NAV1: variants seen among roughly 807,000 people sequenced by gnomAD.
NAV1 encodes the protein neuron navigator 1, also known as pore membrane and/or filament interacting like protein 3.
In NAV1, 18 loss-of-function variants were observed where a neutral mutation model predicts 175.2. The observed-to-expected ratio is 0.10, with a 90% CI of 0.07 to 0.15. NAV1 has a LOEUF of 0.15. Among genes scored for constraint, NAV1 ranks in the 10% least tolerant of loss-of-function variants. The probability of loss-of-function intolerance (pLI) is 1.00; values close to 1 mark genes in which losing one functional copy is unlikely to be tolerated. For synonymous variants in NAV1, 897 were observed against 978.7 expected, an observed-to-expected ratio of 0.92 and a Z score of 1.56; for missense variants, 1,731 against 2,436.6, an observed-to-expected ratio of 0.71 and a Z score of 6.10.
At chr1:201,591,787 G>A (rs909507758) in intron 2 of NAV1, among the ~76,000 whole-genome samples, 2 of 152,128 alleles carry the variant, frequency 1.3e-5, no homozygotes, top group African/African-American at 4.8e-5. Context: ...AGAGGTCTGG[G>A]AAGGTGAGAA....
chr1:201,689,321 A>G (rs654631), intron 1 of NAV1, among the ~76,000 whole-genome samples: 129,712 of 152,234 alleles, frequency 0.85, 55,324 homozygotes, highest in East Asian at 0.93. Context: ...GCTACAGGAC[A>G]GTTTTATAGG....
intron 3 of NAV1, among the ~76,000 whole-genome samples, chr1:201,754,516 A>G (rs1040172796): frequency 6.6e-5 from 10 of 152,236 alleles, no homozygotes; most frequent in Non-Finnish European, 1.0e-4. Context: ...AAGAGATTTC[A>G]GTGAAGCAGT....
chr1:201,655,278 C>T (rs1669356669), intron 1 of NAV1, among the ~76,000 whole-genome samples: 1 of 152,220 alleles, frequency 6.6e-6, no homozygotes. Flanking sequence ...AGCCCAAAGC[C>T]CAAAGCCTTC....
chr1:201,648,747 C>A, exon 1 of NAV1: 1 of 1,403,784 alleles, frequency 7.1e-7, no homozygotes, highest in Non-Finnish European at 9.2e-7. Context: ...CGCGGACGAA[C>A]CGCGGGGCGC....
intron 2 of NAV1, among the ~76,000 whole-genome samples, chr1:201,640,909 C>T (rs1199858536): frequency 6.6e-6 from 1 of 152,246 alleles, no homozygotes; most frequent in African/African-American, 2.4e-5. Context: ...AGAAAAAGTT[C>T]AACTGAAGAT....
At chr1:201,610,947 G>GC (rs761273863) in intron 2 of NAV1, among the ~76,000 whole-genome samples, 5 of 152,102 alleles carry the variant, frequency 3.3e-5, no homozygotes, top group Non-Finnish European at 4.4e-5. Context: ...AGAGCCCTGG[G>GC]CCCTGGGGGT....
rs745789070 is a variant in NAV1 at position 201,782,163 on chromosome 1, C to T, written c.1664-13C>T. ...CAGTTTCAGCTCTTTTCTCATTTCC[C>T]GTCCTCTTGCAGGCAAACCTGAGGG... On this transcript the variant is annotated splice_polypyrimidine_tract_variant and intron_variant, in intron 5 of 29. Transcript: ENST00000367296. The surrounding 1 kb of genome is among the most constrained non-coding windows in gnomAD (Gnocchi z 5.4). The T allele has an allele frequency of 3.0e-5, 47 of 1,558,802 alleles. No individual in the cohort carries two copies. Among genetic ancestry groups the T allele is most frequent in the African/African-American group, 4.1e-5 (3 of 72,834 alleles).
chr1:201,637,983 T>G (rs1668655094), intron 2 of NAV1, among the ~76,000 whole-genome samples: 1 of 152,210 alleles, frequency 6.6e-6, no homozygotes, highest in Non-Finnish European at 1.5e-5. Flanking sequence ...GGCTCTTTAT[T>G]AGCCTGAGGA....
At chr1:201,673,867 G>A (rs1047692406) in intron 1 of NAV1, 1 of 152,306 alleles carries the variant, frequency 6.6e-6, no homozygotes, top group Non-Finnish European at 1.5e-5. Context: ...GCCAGGTAGA[G>A]TTAGGGAAGG....
intron 2 of NAV1, among the ~76,000 whole-genome samples, chr1:201,591,316 T>C (rs569220921): frequency 6.6e-6 from 1 of 152,252 alleles, no homozygotes; most frequent in Non-Finnish European, 1.5e-5. Flanking sequence ...GCAGTCATTG[T>C]CACCCCTTAG....
intron 15 of NAV1, 138 bp from the exon 20 acceptor site, chr1:201,803,455 A>G: frequency 2.4e-6 from 2 of 838,278 alleles, no homozygotes; most frequent in Non-Finnish European, 3.6e-6. Context: ...TGCTGAATGA[A>G]TGATCCAAAA....
chr1:201,783,869 G>T lies in NAV1; in HGVS notation c.2804+17G>T. On this transcript the variant is annotated intron_variant, in intron 7 of 29. Transcript: ENST00000367296. ...ACTGGACAGGTAGGTAGAAAAGACA[G>T]CAGAACCTCGGCCTGTCTCCGTGTC... 6.3e-7 allele frequency: 1 copy of T among 1,587,606 alleles called. No individual in the cohort carries two copies.
chr1:201,671,317 C>G (rs1670037536), intron 1 of NAV1, among the ~76,000 whole-genome samples: 1 of 152,132 alleles, frequency 6.6e-6, no homozygotes, highest in African/African-American at 2.4e-5. Context: ...ACGGGCTGAA[C>G]TGAGGAGCTC....
At chr1:201,709,161 A>ACC in intron 1 of NAV1, among the ~76,000 whole-genome samples, 1 of 151,076 alleles carries the variant, frequency 6.6e-6, no homozygotes, top group East Asian at 1.9e-4. Context: ...AAAAAAAAAA[A>ACC]CCATTGAACT....
At chr1:201,683,844 C>A (rs1480091215) in intron 1 of NAV1, among the ~76,000 whole-genome samples, 1 of 137,592 alleles carries the variant, frequency 7.3e-6, no homozygotes, top group Non-Finnish European at 1.6e-5. Context: ...TCACTGTGTG[C>A]AGCCACGTTC....
chr1:201,798,608 C>CAAAAA (rs36186980), intron 15 of NAV1: 5 of 97,106 alleles, frequency 5.1e-5, no homozygotes, highest in East Asian at 3.2e-4. Flanking sequence ...GACCTGGTTT[C>CAAAAA]AAAAAAAAAA....
chr1:201,820,244 G>A (rs1227290213), exon 30 of NAV1: 1 of 237,800 alleles, frequency 4.2e-6, no homozygotes, highest in African/African-American at 2.3e-5. Context: ...CAAACTCCTG[G>A]GCTTTCTGGG....
At chr1:201,581,702 G>A (rs1407448598) in intron 1 of NAV1, among the ~76,000 whole-genome samples, 2 of 151,920 alleles carry the variant, frequency 1.3e-5, no homozygotes, top group African/African-American at 2.4e-5. Context: ...CGTGGTGGGC[G>A]CCTGTTATCC....
chr1:201,803,554 A>C (rs771525714), intron 15 of NAV1, 39 bp from the exon 20 acceptor site: 1 of 1,603,176 alleles, frequency 6.2e-7, no homozygotes, highest in Non-Finnish European at 8.5e-7. Context: ...ATCCTCTCTA[A>C]ATCTGTTCTA....
Sources: gnomAD v4.1 joint callset for allele counts (sites outside exome capture counted in the v4.1 genomes callset) on GRCh38, gnomAD v4.1.1 for gene constraint, Gnocchi (gnomAD v3.1) non-coding constraint, MANE v1.5 for transcripts, NCBI Gene and HGNC (gene_info 2026-07-23, HGNC 2026-07-21) for gene names.